STIMATE: variants seen among roughly 807,000 people sequenced by gnomAD.
The protein encoded by STIMATE is store-operated calcium entry regulator STIMATE.
STIMATE carries 15 observed loss-of-function variants against 36.7 expected under a neutral mutation model. The ratio of observed to expected loss-of-function variants is 0.41; its 90% CI spans 0.27 to 0.63. The LOEUF (loss-of-function observed/expected upper bound fraction) is 0.63. Among genes scored for constraint, STIMATE ranks in the 20% least tolerant of loss-of-function variants. STIMATE has a pLI of 0.32. For synonymous variants in STIMATE, 163 were observed against 162.3 expected, an observed-to-expected ratio of 1.00 and a Z score of -0.03; for missense variants, 305 against 397.3, an observed-to-expected ratio of 0.77 and a Z score of 1.98.
chr3:52,894,695 T>C (rs1701835060), intron 1 of STIMATE, among the ~76,000 whole-genome samples: 1 of 152,192 alleles, frequency 6.6e-6, no homozygotes, highest in Non-Finnish European at 1.5e-5. Flanking sequence ...ACCTCACAGC[T>C]TGTCTGCAGA....
intron 4 of STIMATE, chr3:52,847,178 T>C: frequency 9.9e-7 from 1 of 1,013,090 alleles, no homozygotes; most frequent in South Asian, 3.4e-5. Context: ...CCCAAAGTGC[T>C]GGGAATGACA....
At position 52,838,677 on chromosome 3, in the gene STIMATE, C is replaced by T. The variant is rs986666972; in HGVS notation, c.*1817G>A. The stretch of plus-strand genomic sequence containing the variant: ...GTCCCTGCTCCTCTCAGCACCCTGG[C>T]TCTGCACTCCTGGTGGAAGATGGGC... On this transcript the variant is annotated 3_prime_UTR_variant, in exon 8 of 8. Transcript: ENST00000355083. The T allele has an allele frequency of 2.0e-5, 3 of 152,294 alleles. No individual in the cohort carries two copies. The highest frequency in any genetic ancestry group is 6.5e-5 in the Admixed American group (1 of 15,294). 9.4% of individuals were successfully genotyped at this position (152,294 alleles called of 1,614,324 possible). A position where few individuals can be genotyped will look rare whatever the true frequency, so the allele number is the denominator to read the frequency against.
chr3:52,841,494 A>G (rs1700796815), intron 7 of STIMATE, among the ~76,000 whole-genome samples: 1 of 152,138 alleles, frequency 6.6e-6, no homozygotes, highest in Non-Finnish European at 1.5e-5. Context: ...GGCTCCTTAG[A>G]CCTCTGAATA....
At chr3:52,847,214 T>C in intron 4 of STIMATE, 1 of 1,128,642 alleles carries the variant, frequency 8.9e-7, no homozygotes, top group Non-Finnish European at 1.1e-6. Flanking sequence ...ACCTGGACCT[T>C]GTGTGTCTTG....
At chr3:52,892,608 T>C (rs947795709) in intron 1 of STIMATE, among the ~76,000 whole-genome samples, 6 of 152,230 alleles carry the variant, frequency 3.9e-5, no homozygotes, top group African/African-American at 1.4e-4. Flanking sequence ...GCTGTCACTG[T>C]ATTCTGTTAT....
At chr3:52,859,024 T>C (rs1177822557) in intron 1 of STIMATE, among the ~76,000 whole-genome samples, 1 of 151,874 alleles carries the variant, frequency 6.6e-6, no homozygotes, top group Non-Finnish European at 1.5e-5. Flanking sequence ...TAGCTGGGTG[T>C]GGTGGCGCGT....
intron 4 of STIMATE, chr3:52,847,395 C>T (rs1054031888): frequency 7.1e-6 from 9 of 1,273,314 alleles, no homozygotes; most frequent in Non-Finnish European, 9.2e-6. Flanking sequence ...CATGAAGCAC[C>T]GTGACCCAGA....
intron 1 of STIMATE, among the ~76,000 whole-genome samples, chr3:52,888,008 T>TG (rs1307572068): frequency 1.4e-5 from 2 of 140,694 alleles, no homozygotes; most frequent in Non-Finnish European, 3.1e-5. Flanking sequence ...TTTTTTTTTT[T>TG]TTTTTTTTTT....
chr3:52,864,547 T>C (rs1194661440), intron 1 of STIMATE, among the ~76,000 whole-genome samples: 1 of 152,248 alleles, frequency 6.6e-6, no homozygotes, highest in Non-Finnish European at 1.5e-5. Flanking sequence ...ATTTGGCTCC[T>C]TGTTACTTAT....
intron 1 of STIMATE, among the ~76,000 whole-genome samples, chr3:52,875,849 C>T (rs894627702): frequency 2.0e-5 from 3 of 152,264 alleles, no homozygotes; most frequent in Non-Finnish European, 2.9e-5. Context: ...GGTGGAGGGG[C>T]CACTCAGCCG....
Position 52,885,803 on chromosome 3 carries a change from G to T in STIMATE, c.160+11488C>A, listed in dbSNP as rs1701680425. ...TTCCTCCTTGCTGCTCTGAGATCTG[G>T]AAAGTGCCTCCAGCAGAATGTTGGT... On this transcript the variant is annotated intron_variant, in intron 1 of 7. Coordinates refer to ENST00000355083, the MANE Select transcript of STIMATE (RefSeq NM_198563.5). Among the ~76,000 whole-genome samples the T allele has an allele frequency of 2.6e-5, 4 of 152,180 alleles. No individual in the cohort carries two copies. The South Asian group carries it at 8.3e-4, about 31-fold the overall frequency.
intron 4 of STIMATE, chr3:52,847,351 A>G: frequency 8.2e-7 from 1 of 1,221,400 alleles, no homozygotes; most frequent in Non-Finnish European, 1.0e-6. Context: ...GGCTTTCAAA[A>G]GGGAGAGTTT....
chr3:52,878,929 A>G (rs1162685773), intron 1 of STIMATE, among the ~76,000 whole-genome samples: 1 of 152,200 alleles, frequency 6.6e-6, no homozygotes, highest in Admixed American at 6.5e-5. Context: ...CGGCAGTGCA[A>G]GTGCACGGAT....
intron 1 of STIMATE, among the ~76,000 whole-genome samples, chr3:52,887,187 G>A (rs558328511): frequency 2.0e-5 from 3 of 152,306 alleles, no homozygotes; most frequent in African/African-American, 7.2e-5. Flanking sequence ...TCATTATACT[G>A]TGGTTACATA....
chr3:52,894,140 GTTTC>G (rs1187331984), intron 1 of STIMATE, among the ~76,000 whole-genome samples: 2 of 152,176 alleles, frequency 1.3e-5, no homozygotes, highest in African/African-American at 4.8e-5. Context: ...CGTTTAAAGC[GTTTC>G]TTTCTATGCA....
chr3:52,871,784 T>A (rs752869623), intron 1 of STIMATE, among the ~76,000 whole-genome samples: 1 of 152,266 alleles, frequency 6.6e-6, no homozygotes, highest in African/African-American at 2.4e-5. Context: ...ACATTTAAGA[T>A]CTGTGCAATT....
At chr3:52,845,001 C>T in intron 4 of STIMATE, 60 bp from the exon 5 acceptor site, 17 of 1,562,752 alleles carry the variant, frequency 1.1e-5, no homozygotes, top group Non-Finnish European at 1.5e-5. Context: ...GAGATGATGT[C>T]CCCACCCCAC....
At chr3:52,882,313 G>A (rs1339762346) in intron 1 of STIMATE, among the ~76,000 whole-genome samples, 1 of 152,298 alleles carries the variant, frequency 6.6e-6, no homozygotes, top group African/African-American at 2.4e-5. Flanking sequence ...ACCTGATCTC[G>A]GAAGCCATGT....
chr3:52,878,542 T>TA (rs1701541436), intron 1 of STIMATE, among the ~76,000 whole-genome samples: 1 of 152,212 alleles, frequency 6.6e-6, no homozygotes, highest in African/African-American at 2.4e-5. Flanking sequence ...CTGGATGTAT[T>TA]AGTTTTGTTT....
Sources: allele counts gnomAD v4.1 joint callset (sites outside exome capture counted in the v4.1 genomes callset), GRCh38; gene constraint gnomAD v4.1.1; transcripts MANE v1.5; gene names NCBI Gene and HGNC (gene_info 2026-07-23, HGNC 2026-07-21).